DOCK8: variants seen among roughly 807,000 people sequenced by gnomAD.
The protein encoded by DOCK8 is dedicator of cytokinesis 8.
In DOCK8, 141 loss-of-function variants were observed where a neutral mutation model predicts 245.6. The observed-to-expected ratio is 0.57, with a 90% confidence interval of 0.50 to 0.66. The LOEUF is 0.66. DOCK8 is among the 30% of genes least tolerant of loss of function. The pLI is 0.00. For missense variants in DOCK8, 2,965 were observed against 2,603.4 expected (o/e 1.14, Z -3.02); for synonymous variants, 1,168 against 970.2 (o/e 1.20, Z -3.79).
rs2048828820 is a variant in DOCK8 at position 286,493 on chromosome 9, C to T, written c.189C>T (p.Asp63=). The change falls in exon 3 of 48, where the codon GAC becomes GAT. Residue 63 remains aspartate, a synonymous_variant. Transcript: ENST00000432829. ...TTTATGACCCTGTGGAGCCAGTGGA[C>T]TTTGAAGGACTTCTGATGACACACC... The part of the protein sequence containing the change: ...PQFYDPVEPV[D]FEGLLMTHLN... 6.2e-7 allele frequency: 1 copy of T among 1,613,954 alleles called. No homozygotes were observed. The highest frequency in any genetic ancestry group is 8.5e-7 in the Non-Finnish European group (1 of 1,179,902).
At chr9:385,018 A>G (rs1485635323) in intron 22 of DOCK8, among the ~76,000 whole-genome samples, 1 of 152,268 alleles carries the variant, frequency 6.6e-6, no homozygotes, top group Non-Finnish European at 1.5e-5. Context: ...TTCGTATTCT[A>G]TCCTTTTTGA....
chr9:257,499 T>TTTG (rs759722845), intron 1 of DOCK8, among the ~76,000 whole-genome samples: 4 of 151,888 alleles, frequency 2.6e-5, no homozygotes, highest in Non-Finnish European at 4.4e-5. Flanking sequence ...TTGTTTTTTG[T>TTTG]TTGTTGTTGT....
At chr9:451,048 C>T (rs151020841) in intron 45 of DOCK8, among the ~76,000 whole-genome samples, 58 of 152,230 alleles carry the variant, frequency 3.8e-4, no homozygotes, top group African/African-American at 1.3e-3. Flanking sequence ...CTCAGTGGCT[C>T]ATGCCTATAA....
At chr9:438,236 A>G (rs1379524051) in intron 39 of DOCK8, among the ~76,000 whole-genome samples, 2 of 152,220 alleles carry the variant, frequency 1.3e-5, no homozygotes, top group African/African-American at 4.8e-5. Context: ...TTCACAAGCC[A>G]ACTCTGATCA....
At chr9:297,494 T>C (rs965990313) in intron 4 of DOCK8, among the ~76,000 whole-genome samples, 1 of 152,218 alleles carries the variant, frequency 6.6e-6, no homozygotes, top group Non-Finnish European at 1.5e-5. Flanking sequence ...TTCATGAGAA[T>C]CATTTTTCTA....
At chr9:462,342 T>C (rs748442082) in intron 46 of DOCK8, among the ~76,000 whole-genome samples, 1 of 152,244 alleles carries the variant, frequency 6.6e-6, no homozygotes, top group Non-Finnish European at 1.5e-5. Context: ...CTATGTGTGG[T>C]GCAAGCCTAG....
At chr9:356,253 G>T (rs746692905) in intron 14 of DOCK8, among the ~76,000 whole-genome samples, 2 of 152,142 alleles carry the variant, frequency 1.3e-5, no homozygotes, top group South Asian at 2.1e-4. Flanking sequence ...TTTTGGCTGG[G>T]CGTGGTGGCT....
chr9:453,299 T>A (rs1364025941), intron 46 of DOCK8, among the ~76,000 whole-genome samples: 8 of 152,260 alleles, frequency 5.3e-5, no homozygotes, highest in African/African-American at 1.9e-4. Context: ...TTGATTAATG[T>A]TTTGATATTT....
intron 14 of DOCK8, among the ~76,000 whole-genome samples, chr9:353,868 A>G (rs922878069): frequency 6.6e-6 from 1 of 152,188 alleles, no homozygotes; most frequent in Non-Finnish European, 1.5e-5. Flanking sequence ...ACTTTTTAGC[A>G]TTCTTCTTAT....
chr9:443,035 C>G (rs1053236725), intron 42 of DOCK8, among the ~76,000 whole-genome samples: 4 of 152,134 alleles, frequency 2.6e-5, no homozygotes, highest in African/African-American at 7.2e-5. Context: ...ATATTGTTTC[C>G]CCTACTTAGA....
intron 14 of DOCK8, among the ~76,000 whole-genome samples, chr9:353,838 G>A (rs1428336792): frequency 6.6e-6 from 1 of 152,184 alleles, no homozygotes; most frequent in Non-Finnish European, 1.5e-5. Flanking sequence ...GGGGGAAAAG[G>A]AAGGGTGTTT....
At chr9:459,169 A>AT (rs2057730907) in intron 46 of DOCK8, among the ~76,000 whole-genome samples, 1 of 152,182 alleles carries the variant, frequency 6.6e-6, no homozygotes, top group South Asian at 2.1e-4. Flanking sequence ...AGATAAGACC[A>AT]TTTTTGAAAA....
rs748615835 is a variant in DOCK8 at position 312,176 on chromosome 9, A to C, written c.741+10A>C. 1.2e-6 allele frequency: 2 copies of C among 1,613,848 alleles called. No individual in the cohort carries two copies. The highest frequency in any genetic ancestry group is 1.7e-6 in the Non-Finnish European group (2 of 1,179,762). Reference sequence around the variant, plus strand: ...CCCATCAGTGGACGAGGTGGGTGCCACTGTTTCCATACTGGAGAATCTCAG... The same window carrying C: ...CCCATCAGTGGACGAGGTGGGTGCCCCTGTTTCCATACTGGAGAATCTCAG... On this transcript the variant is annotated intron_variant, in intron 6 of 47. Coordinates refer to ENST00000432829, the MANE Select transcript of DOCK8 (RefSeq NM_203447.4).
chr9:460,317 G>A (rs573579132), intron 46 of DOCK8: 3 of 152,318 alleles, frequency 2.0e-5, no homozygotes, highest in African/African-American at 7.2e-5. Flanking sequence ...AGACTAAGGA[G>A]AGTTTAGCTG....
chr9:344,790 A>G (rs968337851), intron 14 of DOCK8, among the ~76,000 whole-genome samples: 8 of 152,182 alleles, frequency 5.3e-5, no homozygotes, highest in African/African-American at 1.9e-4. Flanking sequence ...GCTCACACCT[A>G]TAATCCTAGC....
At chr9:429,900 A>T (rs751149428) in intron 36 of DOCK8, 46 bp downstream of exon 36, 1 of 1,609,172 alleles carries the variant, frequency 6.2e-7, no homozygotes, top group South Asian at 1.1e-5. Flanking sequence ...GTAGAGAAAA[A>T]TTGATGTAAA....
intron 46 of DOCK8, among the ~76,000 whole-genome samples, chr9:461,680 T>C (rs2057811324): frequency 6.6e-6 from 1 of 151,838 alleles, no homozygotes; most frequent in African/African-American, 2.4e-5. Flanking sequence ...TAGCTGGGAC[T>C]GCAGTCACCT....
intron 27 of DOCK8, among the ~76,000 whole-genome samples, chr9:405,852 A>C (rs2055392356): frequency 6.6e-6 from 1 of 152,222 alleles, no homozygotes; most frequent in South Asian, 2.1e-4. Context: ...GTGAACAGGG[A>C]AAGATCTGAC....
rs765062629 is a variant in DOCK8 at position 309,252 on chromosome 9, CTT to C, written c.529-2701_529-2700del. Among the ~76,000 whole-genome samples, 20 of 152,016 alleles carry C rather than the reference CTT, an allele frequency of 1.3e-4. No homozygotes were observed. The East Asian group carries it at 2.7e-3, about 21-fold the overall frequency. On this transcript the variant is annotated intron_variant, in intron 5 of 47. Coordinates refer to ENST00000432829, the MANE Select transcript of DOCK8 (RefSeq NM_203447.4). The stretch of plus-strand genomic sequence containing the variant: ...AAATTAAAGTCATTTTCCTTAAACT[CTT>C]ATAAATTTTAAGAAAAACAAAAGTA...
Sources: gnomAD v4.1 joint callset for allele counts (sites outside exome capture counted in the v4.1 genomes callset) on GRCh38, gnomAD v4.1.1 for gene constraint, MANE v1.5 for transcripts, NCBI Gene and HGNC (gene_info 2026-07-23, HGNC 2026-07-21) for gene names.